GLOD4: variants seen among roughly 807,000 people sequenced by gnomAD.
GLOD4 encodes glyoxalase domain containing 4, also known as glyoxalase domain-containing protein 4.
Under a neutral mutation model 39.1 loss-of-function variants are expected in GLOD4, and 44 were observed. That is an observed-to-expected ratio of 1.13 (90% CI 0.88 to 1.45). The LOEUF (loss-of-function observed/expected upper bound fraction) is 1.45, where lower values mean the gene tolerates loss of function less well. Among genes scored for constraint, GLOD4 ranks in the 40% most tolerant of loss-of-function variants. GLOD4 has a pLI of 0.00. For synonymous variants in GLOD4, 145 were observed against 135.0 expected (o/e 1.07, Z -0.52); for missense variants, 405 against 366.4 (o/e 1.11, Z -0.86).
At chr17:784,592 C>G (rs1357006141), upstream of GLOD4, among the ~76,000 whole-genome samples, 1 of 152,062 alleles carries the variant, frequency 6.6e-6, no homozygotes, top group African/African-American at 2.4e-5. Flanking sequence ...GTGGCCAACC[C>G]ATCTTGAACT....
Position 760,237 on chromosome 17 carries a change from G to A in GLOD4, c.833C>T (p.Ala278Val), listed in dbSNP as rs749600575. 4 of 1,558,452 alleles carry A rather than the reference G, an allele frequency of 2.6e-6. No individual in the cohort carries two copies. Among genetic ancestry groups the A allele is most frequent in the Non-Finnish European group, 2.7e-6 (3 of 1,129,220 alleles). ...CTCGTCACTTTTATCTGCTGCCATT[G>A]CCTGTAAAATAGAAATAGAATATAC... is the stretch of plus-strand genomic sequence containing the variant. ...DPEGSKLLDD[A>V]MAADKSDEWF... Residue 278 changes from alanine (A) to valine (V), a missense_variant and splice_region_variant, in exon 9 of 9, where the codon GCA becomes GTA. Ala to Val is a moderately conservative substitution (Grantham distance 64). Transcript: ENST00000301329.
At chr17:776,543 C>T (rs563973289) in intron 3 of GLOD4, among the ~76,000 whole-genome samples, 6 of 152,288 alleles carry the variant, frequency 3.9e-5, no homozygotes, top group East Asian at 1.9e-4. Context: ...CGGTGACTTA[C>T]GGCCTAGGAG....
chr17:779,606 C>A (rs1909530889), intron 1 of GLOD4, among the ~76,000 whole-genome samples: 1 of 150,222 alleles, frequency 6.7e-6, no homozygotes, highest in Non-Finnish European at 1.5e-5. Flanking sequence ...CCATTACACT[C>A]CAGCCTGGGT....
chr17:776,979 A>G lies in GLOD4; in HGVS notation c.150T>C (p.Asp50=), dbSNP rs1446262114. The G allele has an allele frequency of 6.2e-7, 1 of 1,608,678 alleles. No homozygotes were observed. Among genetic ancestry groups the G allele is most frequent in the East Asian group, 2.2e-5 (1 of 44,850 alleles). ...GCKAACNGPY[D]GKWSKTMVGF... ...CCACCATTGTTTTACTCCATTTCCC[A>G]TCATAAGGCCTAGAAAATAAAAGTA... is the stretch of plus-strand genomic sequence containing the variant. The change falls in exon 3 of 9, where the codon GAT becomes GAC. Residue 50 remains aspartate (D), a synonymous_variant. Transcript: ENST00000301329.
At chr17:777,793 T>A (rs1236578008) in intron 2 of GLOD4, 1 of 152,250 alleles carries the variant, frequency 6.6e-6, no homozygotes, top group African/African-American at 2.4e-5. Flanking sequence ...GAATATCTTT[T>A]GTTATATTCA....
chr17:769,771 A>C (rs1399503319), intron 8 of GLOD4, 98 bp downstream of exon 8: 4 of 804,290 alleles, frequency 5.0e-6, no homozygotes, highest in Admixed American at 1.8e-5. Context: ...TGGTTCTGAC[A>C]TTAAGAACCT....
chr17:775,637 G>A (rs547854135), intron 4 of GLOD4, 138 bp downstream of exon 4: 235 of 679,240 alleles, frequency 3.5e-4, no homozygotes, highest in African/African-American at 1.7e-3. Flanking sequence ...TAGTCTCTCC[G>A]ATAACAGGTA....
intron 8 of GLOD4, among the ~76,000 whole-genome samples, chr17:767,099 A>G (rs899478668): frequency 2.6e-5 from 4 of 152,238 alleles, no homozygotes; most frequent in Admixed American, 6.5e-5. Context: ...TCTATAAACC[A>G]TAACAATCTT....
chr17:772,948 G>T (rs1323576250), intron 4 of GLOD4, among the ~76,000 whole-genome samples: 7 of 151,450 alleles, frequency 4.6e-5, no homozygotes, highest in Non-Finnish European at 7.4e-5. Flanking sequence ...TGAGCCCAGA[G>T]CGCGCCACTG....
intron 8 of GLOD4, chr17:763,672 A>G (rs1449400329): frequency 6.6e-6 from 1 of 151,368 alleles, no homozygotes; most frequent in Non-Finnish European, 1.5e-5. Flanking sequence ...GGGAACATAG[A>G]TTCAGGTTTC....
intron 8 of GLOD4, chr17:765,083 T>C (rs1422547622): frequency 6.6e-6 from 1 of 150,842 alleles, no homozygotes; most frequent in Non-Finnish European, 1.5e-5. Flanking sequence ...AAGAAAATAC[T>C]GAATGACTCC....
chr17:776,068 A>C, intron 3 of GLOD4, 149 bp from the exon 4 acceptor site: 1 of 618,016 alleles, frequency 1.6e-6, no homozygotes, highest in Non-Finnish European at 2.8e-6. Flanking sequence ...AGTGATTTAA[A>C]AACAGGTTTT....
Position 760,226 on chromosome 17 carries a change from C to G in GLOD4, c.844G>C (p.Asp282His). Reference protein sequence around the residue: ...SKLLDDAMAADKSDEWFAKHN... With the variant: ...SKLLDDAMAAHKSDEWFAKHN... ...TTGGCAAACCACTCGTCACTTTTAT[C>G]TGCTGCCATTGCCTGTAAAATAGAA... is the stretch of plus-strand genomic sequence containing the variant. The change falls in exon 9 of 9, where the codon GAT becomes CAT. Residue 282 changes from aspartate (D) to histidine (H), a missense_variant. By Grantham distance (81) the Asp-to-His change is moderately conservative. Coordinates refer to ENST00000301329, the MANE Select transcript of GLOD4 (RefSeq NM_016080.4). The G allele has an allele frequency of 6.3e-7, 1 of 1,583,948 alleles. No individual in the cohort carries two copies.
chr17:760,285 A>G (rs1382687293), intron 8 of GLOD4, 47 bp from the exon 9 acceptor site: 2 of 1,024,188 alleles, frequency 2.0e-6, no homozygotes, highest in Admixed American at 3.4e-5. Context: ...CCTGAAAAAC[A>G]AAAGACATAG....
intron 8 of GLOD4, among the ~76,000 whole-genome samples, chr17:767,743 C>T (rs1906914656): frequency 1.4e-5 from 2 of 140,750 alleles, no homozygotes; most frequent in African/African-American, 2.7e-5. Context: ...GGAAACAGCG[C>T]GCACTCAGAT....
At chr17:764,415 C>T (rs1906083132) in intron 8 of GLOD4, 1 of 152,218 alleles carries the variant, frequency 6.6e-6, no homozygotes, top group African/African-American at 2.4e-5. Context: ...TACTGGACCT[C>T]TCGTGGACAA....
upstream of GLOD4, chr17:782,346 C>T (rs772122562): frequency 1.9e-6 from 3 of 1,612,540 alleles, no homozygotes; most frequent in African/African-American, 2.7e-5. Context: ...GCCGACGGCG[C>T]GCTTTCGTGA....
rs1909518809 is a variant in GLOD4 at position 779,541 on chromosome 17, G to C, written c.91-797C>G. ...TAATCCCAGCTACTCAGGAGGCTGAGGTAGGAGAATTGCTTGAACACGGGA... is the reference window on the plus strand; with the variant it reads ...TAATCCCAGCTACTCAGGAGGCTGACGTAGGAGAATTGCTTGAACACGGGA... On this transcript the variant is annotated intron_variant, in intron 1 of 8. Transcript: ENST00000301329. Among the ~76,000 whole-genome samples, 3 of 151,828 alleles carry C rather than the reference G, an allele frequency of 2.0e-5. No individual in the cohort carries two copies. The South Asian group carries it at 6.2e-4, about 32-fold the overall frequency.
intron 8 of GLOD4, chr17:764,432 G>C (rs997277583): frequency 6.6e-6 from 1 of 152,222 alleles, no homozygotes; most frequent in Non-Finnish European, 1.5e-5. Context: ...ACAAACGATG[G>C]TCCGATCACT....
Sources: allele counts gnomAD v4.1 joint callset (sites outside exome capture counted in the v4.1 genomes callset), GRCh38; gene constraint gnomAD v4.1.1; transcripts MANE v1.5; gene names NCBI Gene and HGNC (gene_info 2026-07-23, HGNC 2026-07-21).